The following TEC variants were observed in gnomAD, a reference collection of about 807,000 sequenced individuals.
The protein encoded by TEC is tyrosine-protein kinase Tec.
Under a neutral mutation model 93.0 loss-of-function variants are expected in TEC, and 72 were observed. The observed-to-expected ratio is 0.77, with a 90% CI of 0.64 to 0.94. TEC has a LOEUF of 0.94. Among genes scored for constraint, TEC ranks in the 40% least tolerant of loss-of-function variants. The pLI, the probability that TEC is intolerant of heterozygous loss-of-function variation, is 0.00. For synonymous variants in TEC, 249 were observed against 247.7 expected, an observed-to-expected ratio of 1.01 and a Z score of -0.05; for missense variants, 630 against 757.9, an observed-to-expected ratio of 0.83 and a Z score of 1.98.
intron 2 of TEC, among the ~76,000 whole-genome samples, chr4:48,179,322 T>C (rs1721460433): frequency 7.6e-6 from 1 of 132,218 alleles, no homozygotes; most frequent in South Asian, 2.4e-4. Flanking sequence ...GCAACTATCA[T>C]GTAATGACGT....
chr4:48,200,384 A>ATTTCC (rs1322764951), intron 2 of TEC, among the ~76,000 whole-genome samples: 4 of 152,220 alleles, frequency 2.6e-5, no homozygotes, highest in Non-Finnish European at 4.4e-5. Flanking sequence ...TGAGATTAAA[A>ATTTCC]TTGGGATAAT....
chr4:48,233,129 T>G (rs1245032836), intron 1 of TEC, among the ~76,000 whole-genome samples: 1 of 152,116 alleles, frequency 6.6e-6, no homozygotes, highest in Non-Finnish European at 1.5e-5. Context: ...AGGAGGAGCT[T>G]AAGTGAAACT....
chr4:48,185,298 G>C (rs1721772188), intron 2 of TEC, among the ~76,000 whole-genome samples: 2 of 152,184 alleles, frequency 1.3e-5, no homozygotes, highest in African/African-American at 4.8e-5. Flanking sequence ...ACTCAGAACA[G>C]ATTTAGAAGA....
chr4:48,246,256 A>T (rs899877944), intron 1 of TEC, among the ~76,000 whole-genome samples: 4 of 152,238 alleles, frequency 2.6e-5, no homozygotes, highest in African/African-American at 9.6e-5. Context: ...ACTACAAAAC[A>T]TTGTAGAAAT....
rs536470845 is a variant in TEC at position 48,234,801 on chromosome 4, G to C, written c.-45-6142C>G. Reference sequence around the variant, plus strand: ...TATGAAAGAGAGCTATTTCCTCCATGGTAGTAGGAGGAGAAGGAGGAAAAG... The same window carrying C: ...TATGAAAGAGAGCTATTTCCTCCATCGTAGTAGGAGGAGAAGGAGGAAAAG... On this transcript the variant is annotated intron_variant, in intron 1 of 17. Transcript: ENST00000381501. Among the ~76,000 whole-genome samples the C allele has an allele frequency of 7.6e-4, 115 of 152,180 alleles. 1 individual carries two copies. The highest frequency in any genetic ancestry group is 2.7e-3 in the African/African-American group (110 of 41,492).
intron 2 of TEC, among the ~76,000 whole-genome samples, chr4:48,202,933 A>G (rs752327540): frequency 6.6e-6 from 1 of 152,268 alleles, no homozygotes; most frequent in Non-Finnish European, 1.5e-5. Flanking sequence ...CAATGGGAAA[A>G]TAACTATGCA....
In TEC at chr4:48,135,884, G is replaced by A. The variant is rs1322464857; in HGVS notation, c.*1532C>T. The A allele has an allele frequency of 1.3e-5, 2 of 152,234 alleles. No homozygotes were observed. The highest frequency in any genetic ancestry group is 1.3e-4 in the Admixed American group (2 of 15,278). The allele number at this position is 152,234 out of a possible 1,614,324, so 9.4% of individuals were successfully genotyped here. A position where few individuals can be genotyped will look rare whatever the true frequency, so the allele number is the denominator to read the frequency against. ...TGGACTGCCTGGTGCACAGACTCTA[G>A]ACTGACCAGGATGAAATGAAATGGT... On this transcript the variant is annotated 3_prime_UTR_variant, in exon 18 of 18. Coordinates refer to ENST00000381501, the MANE Select transcript of TEC (RefSeq NM_003215.3).
At chr4:48,180,282 ATCAC>A (rs1278430421) in intron 2 of TEC, among the ~76,000 whole-genome samples, 5 of 152,192 alleles carry the variant, frequency 3.3e-5, no homozygotes, top group African/African-American at 4.8e-5. Flanking sequence ...ATGTAAGTTG[ATCAC>A]TCATTCTTTT....
At chr4:48,171,325 T>C (rs1365485523) in intron 4 of TEC, 43 bp downstream of exon 4, 3 of 1,486,940 alleles carry the variant, frequency 2.0e-6, no homozygotes, top group East Asian at 4.5e-5. Context: ...CAATATTACA[T>C]CTCCTAAAAT....
intron 2 of TEC, among the ~76,000 whole-genome samples, chr4:48,216,628 T>G (rs1362191671): frequency 1.3e-5 from 2 of 152,208 alleles, no homozygotes; most frequent in African/African-American, 2.4e-5. Context: ...CAATGCCATT[T>G]TCCAAATATT....
At chr4:48,206,927 C>G (rs1437636684) in intron 2 of TEC, among the ~76,000 whole-genome samples, 3 of 152,002 alleles carry the variant, frequency 2.0e-5, no homozygotes, top group Non-Finnish European at 4.4e-5. Context: ...CCACTGCTCT[C>G]CAACCTGGGT....
Position 48,249,501 on chromosome 4 carries a change from C to T in TEC, c.-46+20251G>A, listed in dbSNP as rs538840619. Among the ~76,000 whole-genome samples, 16 of 152,248 alleles carry T rather than the reference C, an allele frequency of 1.1e-4. No homozygotes were observed. The South Asian group carries it at 3.1e-3, about 30-fold the overall frequency. ...ATTGTGTAATATAATTTAAACAGCACGTTTGTAAAATTTTTTAAATGCTAG... is the reference window on the plus strand; with the variant it reads ...ATTGTGTAATATAATTTAAACAGCATGTTTGTAAAATTTTTTAAATGCTAG... On this transcript the variant is annotated intron_variant, in intron 1 of 17. Coordinates refer to ENST00000381501, the MANE Select transcript of TEC (RefSeq NM_003215.3).
At chr4:48,216,321 C>T (rs1723080023) in intron 2 of TEC, among the ~76,000 whole-genome samples, 1 of 151,922 alleles carries the variant, frequency 6.6e-6, no homozygotes, top group African/African-American at 2.4e-5. Flanking sequence ...AATTTGGTCT[C>T]TTTTTAAACT....
intron 14 of TEC, 104 bp from the exon 15 acceptor site, chr4:48,141,523 T>C (rs1719665621): frequency 8.7e-7 from 1 of 1,148,324 alleles, no homozygotes. Flanking sequence ...CTAGTCAACA[T>C]TTGCAGAGAG....
At chr4:48,169,673 A>G (rs1241221821) in intron 5 of TEC, among the ~76,000 whole-genome samples, 1 of 152,232 alleles carries the variant, frequency 6.6e-6, no homozygotes, top group Non-Finnish European at 1.5e-5. Context: ...CTACTACAGC[A>G]CTAGTAACTT....
chr4:48,210,803 T>G (rs1234300793), intron 2 of TEC, among the ~76,000 whole-genome samples: 1 of 152,190 alleles, frequency 6.6e-6, no homozygotes, highest in Non-Finnish European at 1.5e-5. Flanking sequence ...CACCTGTGAT[T>G]AGTGACCTAA....
chr4:48,159,262 T>C (rs984566991), intron 8 of TEC, among the ~76,000 whole-genome samples: 55 of 152,280 alleles, frequency 3.6e-4, no homozygotes, highest in African/African-American at 1.2e-3. Flanking sequence ...ACAAGAAGCA[T>C]GGTGCCAGCA....
At chr4:48,223,428 C>A (rs2109630135) in intron 2 of TEC, among the ~76,000 whole-genome samples, 1 of 151,978 alleles carries the variant, frequency 6.6e-6, no homozygotes, top group South Asian at 2.1e-4. Flanking sequence ...AAGAAATATA[C>A]CTGCAATTTC....
intron 1 of TEC, among the ~76,000 whole-genome samples, chr4:48,258,635 C>A (rs1302739373): frequency 6.6e-6 from 1 of 152,150 alleles, no homozygotes; most frequent in Admixed American, 6.5e-5. Flanking sequence ...CTATGCCTAA[C>A]CTTTGTTCAT....
Sources: allele counts gnomAD v4.1 joint callset (sites outside exome capture counted in the v4.1 genomes callset), GRCh38; gene constraint gnomAD v4.1.1; transcripts MANE v1.5; gene names NCBI Gene and HGNC (gene_info 2026-07-23, HGNC 2026-07-21).